DNMBP: variants seen among roughly 807,000 people sequenced by gnomAD.
DNMBP encodes dynamin-binding protein.
DNMBP carries 87 observed loss-of-function variants against 150.0 expected under a neutral mutation model. That is an observed-to-expected ratio of 0.58 (90% CI 0.49 to 0.69). The LOEUF is 0.69. DNMBP is among the 30% of genes least tolerant of loss of function. The pLI, the probability that DNMBP is intolerant of heterozygous loss-of-function variation, is 0.00. For synonymous variants in DNMBP, 711 were observed against 750.4 expected (o/e 0.95, Z 0.86); for missense variants, 1,774 against 1,949.0 (o/e 0.91, Z 1.69).
rs71009780 is a variant in DNMBP, at chr10:99,879,084, C to CAAAAAAAAAAAAAAAAAAA, written c.4548+726_4548+727insTTTTTTTTTTTTTTTTTTT. ...TGGGCGACAGAGCAAGACTCTGTCT[C>CAAAAAAAAAAAAAAAAAAA]AAAAAAAAAAAAAAAAACCCAAAAC... On this transcript the variant is annotated intron_variant, in intron 16 of 16. Transcript: ENST00000324109. Among the ~76,000 whole-genome samples the CAAAAAAAAAAAAAAAAAAA allele has an allele frequency of 2.0e-3, 122 of 62,356 alleles. 4 individuals carry two copies. The highest frequency in any genetic ancestry group is 9.5e-3 in the African/African-American group (116 of 12,188). The allele number at this position is 62,356 out of a possible 152,430, so 40.9% of individuals were successfully genotyped here. A position where few individuals can be genotyped will look rare whatever the true frequency, so the allele number is the denominator to read the frequency against.
chr10:99,952,128 T>A (rs897726606), intron 4 of DNMBP, among the ~76,000 whole-genome samples: 1 of 152,150 alleles, frequency 6.6e-6, no homozygotes, highest in African/African-American at 2.4e-5. Context: ...CCTGCTATCA[T>A]CCATGTAAGA....
intron 12 of DNMBP, among the ~76,000 whole-genome samples, chr10:99,888,058 G>A (rs2039497504): frequency 1.3e-5 from 2 of 152,044 alleles, no homozygotes; most frequent in Non-Finnish European, 2.9e-5. Context: ...CCCAACCTCA[G>A]GTGATCCGCC....
At chr10:99,970,591 A>G (rs2040663502) in intron 2 of DNMBP, among the ~76,000 whole-genome samples, 1 of 152,146 alleles carries the variant, frequency 6.6e-6, no homozygotes, top group Non-Finnish European at 1.5e-5. Context: ...TGAAGAATGA[A>G]AGAAAGGGTA....
chr10:99,924,166 G>A (rs1293476310), intron 4 of DNMBP, among the ~76,000 whole-genome samples: 11 of 151,324 alleles, frequency 7.3e-5, no homozygotes, highest in African/African-American at 4.9e-5. Flanking sequence ...GTGCGGTGGC[G>A]GTAGCTCACA....
Position 99,908,083 on chromosome 10 carries a change from A to T in DNMBP, c.2466T>A (p.Ile822=), listed in dbSNP as rs765987835. ...VPMQQAQVPN[I]DFEGLFGNMQ... ...TATTTCCAAAAAGTCCCTCAAAATC[A>T]ATGTTTGGTACCTGAGAAAAGGAAA... The change falls in exon 6 of 17, where the codon ATT becomes ATA. Residue 822 remains isoleucine (I), a synonymous_variant. Transcript: ENST00000324109. The T allele has an allele frequency of 4.0e-5, 65 of 1,612,574 alleles. 1 individual carries two copies. The South Asian group carries it at 6.9e-4, about 17-fold the overall frequency.
chr10:99,961,986 T>C (rs1241258381), intron 3 of DNMBP, among the ~76,000 whole-genome samples: 1 of 149,454 alleles, frequency 6.7e-6, no homozygotes, highest in East Asian at 2.0e-4. Flanking sequence ...GAGGTTTTTA[T>C]TGTTATGAAG....
intron 1 of DNMBP, among the ~76,000 whole-genome samples, chr10:99,976,386 A>G (rs2133360402): frequency 6.6e-6 from 1 of 152,364 alleles, no homozygotes; most frequent in South Asian, 2.1e-4. Flanking sequence ...CAAGTTCATT[A>G]TTAAGACTAC....
intron 4 of DNMBP, among the ~76,000 whole-genome samples, chr10:99,920,843 T>C (rs985252537): frequency 3.9e-5 from 6 of 152,064 alleles, no homozygotes; most frequent in African/African-American, 1.4e-4. Context: ...CCACGCCCAG[T>C]TATTTTTTTA....
Position 99,879,992 on chromosome 10 carries a change from A to G in DNMBP, c.4367T>C (p.Val1456Ala). ...SGDSADVARD[V>A]KQPTATPRSY... ...CCTCGGCGTGGCAGTGGGTTGCTTT[A>G]CATCTCTAGCTACATCTGCAGAGTC... The change falls in exon 16 of 17, where the codon GTA (valine) becomes GCA (alanine). Residue 1456 changes from valine to alanine, a missense_variant. This residue lies in a region of DNMBP where 1,430 missense variants were observed against 1,492.5 expected (regional missense o/e 0.96). Transcript: ENST00000324109. 1 of 1,614,160 alleles carries G rather than the reference A, an allele frequency of 6.2e-7. No homozygotes were observed. Among genetic ancestry groups the G allele is most frequent in the Non-Finnish European group, 8.5e-7 (1 of 1,180,034 alleles).
In DNMBP at chr10:99,889,122, C is replaced by T. The variant is rs541998308; in HGVS notation, c.3157-169G>A. ...ATAAGCATATTTTCATAAACTATGA[C>T]TTACGGGGCACAGAGAAAGGCTAAG... On this transcript the variant is annotated intron_variant, in intron 11 of 16. Coordinates refer to ENST00000324109, the MANE Select transcript of DNMBP (RefSeq NM_015221.4). The T allele has an allele frequency of 5.8e-6, 4 of 695,134 alleles. No homozygotes were observed. The Admixed American group carries it at 1.2e-4, about 22-fold the overall frequency. 43.1% of individuals were successfully genotyped at this position (695,134 alleles called of 1,614,324 possible). A position where few individuals can be genotyped will look rare whatever the true frequency, so the allele number is the denominator to read the frequency against.
chr10:99,898,768 G>C lies in DNMBP; in HGVS notation c.2703-8C>G. The C allele has an allele frequency of 6.2e-7, 1 of 1,612,772 alleles. No homozygotes were observed. Among genetic ancestry groups the C allele is most frequent in the Non-Finnish European group, 8.5e-7 (1 of 1,178,938 alleles). Reference sequence around the variant, plus strand: ...CATTCGTTGTATAGGCTCCTGCAAGGCAGTGGGCATGAAAAGAAAAGAGAC... The same window carrying C: ...CATTCGTTGTATAGGCTCCTGCAAGCCAGTGGGCATGAAAAGAAAAGAGAC... On this transcript the variant is annotated splice_polypyrimidine_tract_variant and splice_region_variant and intron_variant, in intron 7 of 16. Coordinates refer to ENST00000324109, the MANE Select transcript of DNMBP (RefSeq NM_015221.4).
chr10:99,893,846 AG>A (rs1364155062), intron 11 of DNMBP, among the ~76,000 whole-genome samples: 2 of 152,192 alleles, frequency 1.3e-5, no homozygotes, highest in African/African-American at 4.8e-5. Context: ...CTCTGATAGG[AG>A]GGAAGAACTT....
rs1241674744 is a variant in DNMBP at position 99,915,114 on chromosome 10, T to A, written c.2261-5968A>T. Among the ~76,000 whole-genome samples, 22 of 124,714 alleles carry A rather than the reference T, an allele frequency of 1.8e-4. 1 individual carries two copies. The highest frequency in any genetic ancestry group is 4.9e-4 in the South Asian group (2 of 4,044). The allele number at this position is 124,714 out of a possible 152,430, so 81.8% of individuals were successfully genotyped here. A position where few individuals can be genotyped will look rare whatever the true frequency, so the allele number is the denominator to read the frequency against. ...TGTCTCAAAAAAAAAAAAAAATATA[T>A]ATATATATATATATACACACACACA... On this transcript the variant is annotated intron_variant, in intron 4 of 16. Transcript: ENST00000324109.
rs371790735 is a variant in DNMBP, at chr10:99,877,102, G to A, written c.*49C>T. 67 of 1,385,064 alleles carry A rather than the reference G, an allele frequency of 4.8e-5. No homozygotes were observed. The highest frequency in any genetic ancestry group is 5.6e-5 in the Non-Finnish European group (59 of 1,054,496). The allele number at this position is 1,385,064 out of a possible 1,614,324, so 85.8% of individuals were successfully genotyped here. A position where few individuals can be genotyped will look rare whatever the true frequency, so the allele number is the denominator to read the frequency against. On this transcript the variant is annotated 3_prime_UTR_variant, in exon 17 of 17. Transcript: ENST00000324109. The stretch of plus-strand genomic sequence containing the variant: ...CTCTCGGTGGGCCGCCAGAACCCTC[G>A]GCGGACTGAAAGCAAAGGCAGCAAG...
Position 99,895,435 on chromosome 10 carries a change from G to C in DNMBP, c.3052-385C>G, listed in dbSNP as rs185580927. ...GAGCCACCACGCCCAGCCAAAAGTA[G>C]CTTCCTTAAAAACATCTTTTGTTCA... On this transcript the variant is annotated intron_variant, in intron 10 of 16. Transcript: ENST00000324109. 9.8e-5 allele frequency among the ~76,000 whole-genome samples: 15 copies of C among 152,286 alleles called. No homozygotes were observed. In the East Asian group the frequency reaches 2.1e-3, roughly 22 times the overall value.
At chr10:99,903,008 A>C (rs11591332) in intron 6 of DNMBP, among the ~76,000 whole-genome samples, 68,730 of 151,658 alleles carry the variant, frequency 0.45, 15,800 homozygotes, top group African/African-American at 0.49. Context: ...GACCATTGCC[A>C]ACTGCAGCCT....
At chr10:99,914,231 T>C in intron 4 of DNMBP, 1 of 759,800 alleles carries the variant, frequency 1.3e-6, no homozygotes, top group Non-Finnish European at 1.8e-6. Context: ...CACCTTCCTT[T>C]CTATTTGGTG....
rs1564710686 is a variant in DNMBP at position 99,877,215 on chromosome 10, G to C, written c.4670C>G (p.Ala1557Gly). 2 of 1,613,940 alleles carry C rather than the reference G, an allele frequency of 1.2e-6. No individual in the cohort carries two copies. Among genetic ancestry groups the C allele is most frequent in the East Asian group, 2.2e-5 (1 of 44,854 alleles). The change falls in exon 17 of 17, where the codon GCT (alanine) becomes GGT (glycine). Residue 1557 changes from alanine to glycine, a missense_variant. Around this residue, in one of 2 missense-constraint regions of DNMBP, gnomAD observed 1,430 missense variants for 1,492.5 expected, o/e 0.96. Coordinates refer to ENST00000324109, the MANE Select transcript of DNMBP (RefSeq NM_015221.4). ...GTAGCCCTTCTTCCCGTTAACCTCA[G>C]CTAACCACCACTCTGTATTTCCTGT... ...DVTGNTEWWL[A>G]EVNGKKGYVP...
At chr10:99,898,790 A>G (rs762691155) in intron 7 of DNMBP, 30 bp from the exon 8 acceptor site, 19 of 1,606,574 alleles carry the variant, frequency 1.2e-5, no homozygotes, top group Middle Eastern at 3.3e-4. Flanking sequence ...AAAAGAAAAG[A>G]GACAGTTTAT....
Sources: gnomAD v4.1 joint callset for allele counts (sites outside exome capture counted in the v4.1 genomes callset) on GRCh38, gnomAD v4.1.1 for gene constraint, gnomAD v4.1.1 regional missense constraint, MANE v1.5 for transcripts, NCBI Gene and HGNC (gene_info 2026-07-23, HGNC 2026-07-21) for gene names.